Variants in NADK2 observed in about 807,000 individuals in gnomAD.
The protein encoded by NADK2 is NAD kinase domain-containing protein 1, mitochondrial.
Under a neutral mutation model 62.1 loss-of-function variants are expected in NADK2, and 35 were observed. That is an observed-to-expected ratio of 0.56 (90% confidence interval 0.43 to 0.75). NADK2 has a LOEUF of 0.75. Ranked by LOEUF, NADK2 falls within the 30% of genes least tolerant of loss-of-function variation. The probability of loss-of-function intolerance (pLI) is 0.00; values close to 1 mark genes in which losing one functional copy is unlikely to be tolerated. For synonymous variants in NADK2, 205 were observed against 207.9 expected (o/e 0.99, Z 0.12); for missense variants, 439 against 561.3 (o/e 0.78, Z 2.20).
intron 1 of NADK2, among the ~76,000 whole-genome samples, chr5:36,228,023 C>T (rs1008052819): frequency 4.6e-5 from 7 of 152,046 alleles, no homozygotes; most frequent in African/African-American, 1.2e-4. Flanking sequence ...TAAACTAATA[C>T]TTGTAGAGGC....
At chr5:36,233,125 T>C (rs1191599647) in intron 1 of NADK2, among the ~76,000 whole-genome samples, 2 of 152,292 alleles carry the variant, frequency 1.3e-5, no homozygotes, top group East Asian at 1.9e-4. Flanking sequence ...TGACAATCTA[T>C]GTACTTTAAG....
intron 4 of NADK2, among the ~76,000 whole-genome samples, chr5:36,222,467 C>A (rs1298981043): frequency 6.6e-6 from 1 of 152,046 alleles, no homozygotes; most frequent in Non-Finnish European, 1.5e-5. Flanking sequence ...GAAAAGTTTC[C>A]AAAAATATAT....
chr5:36,216,568 TTC>T (rs199506617), intron 6 of NADK2, among the ~76,000 whole-genome samples: 1,991 of 152,268 alleles, frequency 0.013, 22 homozygotes, highest in Non-Finnish European at 0.023. Flanking sequence ...TTGAACATTT[TTC>T]TGTTCTTTTT....
At chr5:36,203,290 T>C (rs914124515) in intron 8 of NADK2, among the ~76,000 whole-genome samples, 1 of 152,114 alleles carries the variant, frequency 6.6e-6, no homozygotes, top group African/African-American at 2.4e-5. Flanking sequence ...GATAGTAGTA[T>C]GATAAAAACA....
intron 8 of NADK2, among the ~76,000 whole-genome samples, chr5:36,206,523 A>C (rs1335935875): frequency 1.3e-5 from 2 of 152,034 alleles, no homozygotes; most frequent in Admixed American, 1.3e-4. Context: ...ATGGAAAAAA[A>C]AAATGCTTTT....
chr5:36,232,579 CCTAAA>C (rs1747746904), intron 1 of NADK2, among the ~76,000 whole-genome samples: 3 of 151,434 alleles, frequency 2.0e-5, no homozygotes, highest in Non-Finnish European at 4.4e-5. Context: ...TGCACTGAAC[CCTAAA>C]GACTTCTTCA....
intron 5 of NADK2, among the ~76,000 whole-genome samples, chr5:36,218,464 C>A (rs143176559): frequency 9.9e-5 from 15 of 152,276 alleles, no homozygotes; most frequent in African/African-American, 3.6e-4. Flanking sequence ...GTCAATGGGA[C>A]AGATTCTGCT....
chr5:36,226,804 C>A (rs980376161), intron 2 of NADK2, among the ~76,000 whole-genome samples: 1 of 152,064 alleles, frequency 6.6e-6, no homozygotes, highest in Non-Finnish European at 1.5e-5. Flanking sequence ...TCTCCATGTG[C>A]TTTAAAAGCT....
chr5:36,217,935 G>C, intron 5 of NADK2, 51 bp from the exon 6 acceptor site: 1 of 1,516,300 alleles, frequency 6.6e-7, no homozygotes, highest in Non-Finnish European at 9.0e-7. Flanking sequence ...ATAAATTAAA[G>C]AGTAGACATT....
At chr5:36,212,130 C>A (rs1387671572) in intron 6 of NADK2, 2 of 388,794 alleles carry the variant, frequency 5.1e-6, no homozygotes, top group African/African-American at 2.1e-5. Flanking sequence ...GTAATGAAGG[C>A]CCTCTCTCTG....
intron 8 of NADK2, among the ~76,000 whole-genome samples, chr5:36,203,885 A>T (rs1746538119): frequency 1.3e-5 from 2 of 152,098 alleles, no homozygotes; most frequent in Non-Finnish European, 2.9e-5. Context: ...TTTTCTTTCA[A>T]CTATGTGACC....
intron 10 of NADK2, 123 bp from the exon 11 acceptor site, chr5:36,197,787 T>G: frequency 1.3e-6 from 1 of 784,024 alleles, no homozygotes. Context: ...GGAACAAGTT[T>G]CTTGAAACTC....
intron 7 of NADK2, among the ~76,000 whole-genome samples, chr5:36,210,316 T>C (rs775216743): frequency 3.3e-5 from 5 of 152,232 alleles, no homozygotes; most frequent in Non-Finnish European, 4.4e-5. Flanking sequence ...AAAAAAATTA[T>C]GTTGATAATG....
At chr5:36,223,213 T>C (rs573720453) in intron 4 of NADK2, among the ~76,000 whole-genome samples, 34 of 151,894 alleles carry the variant, frequency 2.2e-4, no homozygotes, top group African/African-American at 7.0e-4. Context: ...CTAAGTTAGA[T>C]GGGGAGCCAC....
rs1579648599 is a variant in NADK2 at position 36,241,412 on chromosome 5, G to T, written c.300+87C>A. 12 of 1,413,840 alleles carry T rather than the reference G, an allele frequency of 8.5e-6. No individual in the cohort carries two copies. The East Asian group carries it at 3.6e-4, about 43-fold the overall frequency. 87.6% of individuals were successfully genotyped at this position (1,413,840 alleles called of 1,614,324 possible). A position where few individuals can be genotyped will look rare whatever the true frequency, so the allele number is the denominator to read the frequency against. ...CATCTGCGGTGCCCTGGGAAGAGTCGTCCCGAGAGGTCCCCCCGAGGGGGC... is the reference window on the plus strand; with the variant it reads ...CATCTGCGGTGCCCTGGGAAGAGTCTTCCCGAGAGGTCCCCCCGAGGGGGC... On this transcript the variant is annotated intron_variant, in intron 1 of 11. Coordinates refer to ENST00000381937, the MANE Select transcript of NADK2 (RefSeq NM_001085411.3). The surrounding 1 kb of genome is among the most constrained non-coding windows in gnomAD (Gnocchi z 4.9).
In NADK2 at chr5:36,241,417, G is replaced by T. The variant is rs943263457; in HGVS notation, c.300+82C>A. ...GCGGTGCCCTGGGAAGAGTCGTCCC[G>T]AGAGGTCCCCCCGAGGGGGCGCAGC... On this transcript the variant is annotated intron_variant, in intron 1 of 11. Transcript: ENST00000381937. The surrounding 1 kb of genome is among the most constrained non-coding windows in gnomAD (Gnocchi z 4.9). The T allele has an allele frequency of 1.4e-6, 2 of 1,428,400 alleles. No homozygotes were observed. The highest frequency in any genetic ancestry group is 3.0e-5 in the African/African-American group (2 of 66,544). The allele number at this position is 1,428,400 out of a possible 1,614,324, so 88.5% of individuals were successfully genotyped here.
At chr5:36,208,421 C>T (rs1255247734) in intron 7 of NADK2, among the ~76,000 whole-genome samples, 1 of 151,756 alleles carries the variant, frequency 6.6e-6, no homozygotes, top group Non-Finnish European at 1.5e-5. Context: ...CAAGTAGAAA[C>T]AAAAGAGATT....
intron 8 of NADK2, among the ~76,000 whole-genome samples, chr5:36,206,095 G>A (rs571180166): frequency 5.9e-5 from 9 of 151,918 alleles, no homozygotes; most frequent in African/African-American, 1.7e-4. Flanking sequence ...CTGAACAATC[G>A]GAACACATGG....
intron 5 of NADK2, among the ~76,000 whole-genome samples, chr5:36,219,393 T>G (rs182335790): frequency 3.9e-5 from 6 of 152,290 alleles, no homozygotes; most frequent in African/African-American, 7.2e-5. Context: ...GTATTTTTTG[T>G]AGAAACAAGG....
Sources: allele counts gnomAD v4.1 joint callset (sites outside exome capture counted in the v4.1 genomes callset), GRCh38; gene constraint gnomAD v4.1.1; non-coding constraint Gnocchi (gnomAD v3.1); transcripts MANE v1.5; gene names NCBI Gene and HGNC (gene_info 2026-07-23, HGNC 2026-07-21).